Variants in HMGB1 observed in about 807,000 individuals in gnomAD.
HMGB1 encodes the protein high mobility group protein B1.
For synonymous variants in HMGB1, 81 were observed against 84.0 expected (o/e 0.96, Z 0.19); for missense variants, 79 against 253.5 (o/e 0.31, Z 4.67).
intron 1 of HMGB1, among the ~76,000 whole-genome samples, chr13:30,570,661 T>C (rs969796455): frequency 5.9e-5 from 9 of 152,238 alleles, no homozygotes; most frequent in African/African-American, 1.9e-4. Flanking sequence ...CTCTGCTTCC[T>C]ACACCCTTAG....
intron 1 of HMGB1, among the ~76,000 whole-genome samples, chr13:30,479,011 C>A (rs1593266765): frequency 2.6e-5 from 4 of 151,932 alleles, no homozygotes; most frequent in African/African-American, 9.7e-5. Flanking sequence ...TGGGCCAAAT[C>A]CCAATTTCTA....
At chr13:30,520,774 C>T (rs1217118748) in intron 1 of HMGB1, among the ~76,000 whole-genome samples, 3 of 152,198 alleles carry the variant, frequency 2.0e-5, no homozygotes, top group African/African-American at 7.2e-5. Flanking sequence ...ACTGGTGATG[C>T]AGCATTTCTT....
intron 1 of HMGB1, among the ~76,000 whole-genome samples, chr13:30,473,814 A>C (rs568289127): frequency 5.9e-5 from 9 of 152,232 alleles, no homozygotes; most frequent in African/African-American, 1.9e-4. Context: ...TCTTCATAGC[A>C]GCAGCATTTG....
chr13:30,491,520 G>C (rs906769293), intron 1 of HMGB1, among the ~76,000 whole-genome samples: 5 of 150,462 alleles, frequency 3.3e-5, no homozygotes, highest in African/African-American at 1.3e-4. Flanking sequence ...AAAATTAGCT[G>C]TGTGTGGTGG....
At chr13:30,594,929 T>G (rs536257854) in intron 1 of HMGB1, among the ~76,000 whole-genome samples, 1 of 152,266 alleles carries the variant, frequency 6.6e-6, no homozygotes. Context: ...GGTGTCTCAT[T>G]GTAGTTTGGC....
intron 1 of HMGB1, among the ~76,000 whole-genome samples, chr13:30,501,732 G>A (rs1172305051): frequency 2.0e-5 from 3 of 151,974 alleles, no homozygotes; most frequent in Non-Finnish European, 4.4e-5. Context: ...ATACGTGCAA[G>A]TACATCAGGG....
chr13:30,488,759 T>C (rs1887422764), intron 1 of HMGB1, among the ~76,000 whole-genome samples: 1 of 151,372 alleles, frequency 6.6e-6, no homozygotes. Context: ...GCTCAAGAGA[T>C]CCTCCTGCCT....
chr13:30,457,820 G>A lies in HMGB1; in HGVS notation c.*3537C>T, dbSNP rs1565989867. On this transcript the variant is annotated 3_prime_UTR_variant, in exon 5 of 5. Coordinates refer to ENST00000341423, the MANE Select transcript of HMGB1 (RefSeq NM_002128.7). ...TGGGAGCAATGTGGCATAGACCCATGGAATTTCCCAAGTTGTGGCAAGTGT... is the reference window on the plus strand; with the variant it reads ...TGGGAGCAATGTGGCATAGACCCATAGAATTTCCCAAGTTGTGGCAAGTGT... 6.6e-6 allele frequency: 1 copy of A among 152,150 alleles called. No homozygotes were observed. Among genetic ancestry groups the A allele is most frequent in the African/African-American group, 2.4e-5 (1 of 41,430 alleles). The allele number at this position is 152,150 out of a possible 1,614,324, so 9.4% of individuals were successfully genotyped here. A position where few individuals can be genotyped will look rare whatever the true frequency, so the allele number is the denominator to read the frequency against.
At position 30,460,363 on chromosome 13, in the gene HMGB1, G is replaced by A. The variant is rs1231390417; in HGVS notation, c.*994C>T. Reference sequence around the variant, plus strand: ...AGATAAATGGGAAAAGACATCTATAGCCAGCATTTTCATAGTCTTCACTGA... The same window carrying A: ...AGATAAATGGGAAAAGACATCTATAACCAGCATTTTCATAGTCTTCACTGA... On this transcript the variant is annotated 3_prime_UTR_variant, in exon 5 of 5. Transcript: ENST00000341423. The A allele has an allele frequency of 1.3e-5, 2 of 151,080 alleles. No homozygotes were observed. Among genetic ancestry groups the A allele is most frequent in the African/African-American group, 4.9e-5 (2 of 40,972 alleles). 9.4% of individuals were successfully genotyped at this position (151,080 alleles called of 1,614,324 possible).
Position 30,473,363 on chromosome 13 carries a change from A to G in HMGB1, c.-14-9669T>C, listed in dbSNP as rs141420093. Among the ~76,000 whole-genome samples the G allele has an allele frequency of 3.2e-4, 48 of 152,320 alleles. 2 individuals carry two copies. The highest frequency in any genetic ancestry group is 1.0e-3 in the African/African-American group (42 of 41,570). Reference sequence around the variant, plus strand: ...AGGGGAAAATATCAGACCTTTCCTTAAGAGGCCTGTCCTCTGGTTAGTCAA... The same window carrying G: ...AGGGGAAAATATCAGACCTTTCCTTGAGAGGCCTGTCCTCTGGTTAGTCAA... On this transcript the variant is annotated intron_variant, in intron 1 of 4. Transcript: ENST00000405805.
chr13:30,585,269 G>C (rs1871093972), intron 1 of HMGB1, among the ~76,000 whole-genome samples: 1 of 152,074 alleles, frequency 6.6e-6, no homozygotes, highest in Admixed American at 6.5e-5. Flanking sequence ...GCCCTGGGTA[G>C]CCCGCGCCAC....
intron 1 of HMGB1, among the ~76,000 whole-genome samples, chr13:30,500,137 C>G (rs1306269834): frequency 2.0e-5 from 3 of 152,160 alleles, no homozygotes; most frequent in Non-Finnish European, 2.9e-5. Flanking sequence ...TAGCTTGGCT[C>G]ACTCTTGCAG....
At chr13:30,609,246 C>T (rs1294002393) in intron 1 of HMGB1, among the ~76,000 whole-genome samples, 3 of 152,088 alleles carry the variant, frequency 2.0e-5, no homozygotes, top group African/African-American at 7.2e-5. Flanking sequence ...GGTGACAGAG[C>T]CAGACTCCGT....
At chr13:30,601,015 T>C (rs1447844299) in intron 1 of HMGB1, among the ~76,000 whole-genome samples, 2 of 152,196 alleles carry the variant, frequency 1.3e-5, no homozygotes, top group Non-Finnish European at 2.9e-5. Context: ...AAAAATAACC[T>C]TAACTAATGA....
At chr13:30,494,674 A>G (rs1887571756) in intron 1 of HMGB1, among the ~76,000 whole-genome samples, 1 of 152,218 alleles carries the variant, frequency 6.6e-6, no homozygotes, top group African/African-American at 2.4e-5. Context: ...ACCACTTTTA[A>G]GTGTACAGTT....
rs1457194258 is a variant in HMGB1, at chr13:30,559,867, TA to T, written c.-15+56803del. On this transcript the variant is annotated intron_variant, in intron 1 of 4. Transcript: ENST00000405805. The surrounding 1 kb of genome is among the most constrained non-coding windows in gnomAD (Gnocchi z 6.6). The stretch of plus-strand genomic sequence containing the variant: ...ATTATTAAACAATTAAGAGTATGAC[TA>T]AGATGAATATGCATTCATTCACCAA... 2.6e-5 allele frequency among the ~76,000 whole-genome samples: 4 copies of T among 152,144 alleles called. No individual in the cohort carries two copies. The highest frequency in any genetic ancestry group is 2.6e-4 in the Admixed American group (4 of 15,272).
intron 1 of HMGB1, among the ~76,000 whole-genome samples, chr13:30,560,941 G>GTT (rs200487340): frequency 2.4e-4 from 35 of 146,294 alleles, no homozygotes; most frequent in Non-Finnish European, 3.5e-4. Flanking sequence ...GGTTATATAT[G>GTT]TTTTTTTTTT....
chr13:30,610,738 C>CA (rs71192663), intron 1 of HMGB1, among the ~76,000 whole-genome samples: 13,975 of 143,808 alleles, frequency 0.097, 736 homozygotes, highest in Non-Finnish European at 0.12. Context: ...TACACTAAAA[C>CA]AAAAAAAAAA....
At chr13:30,537,482 A>G (rs1294985317) in intron 1 of HMGB1, among the ~76,000 whole-genome samples, 1 of 151,902 alleles carries the variant, frequency 6.6e-6, no homozygotes, top group East Asian at 1.9e-4. Context: ...AATTTCCAGT[A>G]CCATAGATCA....
Sources: gnomAD v4.1 joint callset for allele counts (sites outside exome capture counted in the v4.1 genomes callset) on GRCh38, gnomAD v4.1.1 for gene constraint, Gnocchi (gnomAD v3.1) non-coding constraint, MANE v1.5 for transcripts, NCBI Gene and HGNC (gene_info 2026-07-23, HGNC 2026-07-21) for gene names.